The following BRD7 variants were observed in gnomAD, a reference collection of about 807,000 sequenced individuals.
BRD7 encodes the protein bromodomain-containing protein 7.
In BRD7, 15 loss-of-function variants were observed where a neutral mutation model predicts 82.1. The observed-to-expected ratio is 0.18, with a 90% CI of 0.12 to 0.28. BRD7 has a LOEUF of 0.28. BRD7 is among the 10% of genes least tolerant of loss of function. BRD7 has a pLI of 1.00. For missense variants in BRD7, 638 were observed against 779.9 expected (o/e 0.82, Z 2.17); for synonymous variants, 232 against 266.9 (o/e 0.87, Z 1.27).
chr16:50,356,668 T>C (rs2038743831), intron 2 of BRD7, among the ~76,000 whole-genome samples: 1 of 151,656 alleles, frequency 6.6e-6, no homozygotes, highest in East Asian at 1.9e-4. Context: ...AATGGGACTC[T>C]GAAAGGGTAT....
intron 4 of BRD7, among the ~76,000 whole-genome samples, chr16:50,351,855 T>C (rs1191541941): frequency 1.1e-5 from 1 of 89,898 alleles, no homozygotes; most frequent in Non-Finnish European, 2.1e-5. Context: ...TGTATGTATG[T>C]ATAAGGTGTA....
rs1185782260 is a variant in BRD7, at chr16:50,335,801, T to C, written c.703-906A>G. 6.6e-5 allele frequency among the ~76,000 whole-genome samples: 10 copies of C among 152,344 alleles called. 1 individual carries two copies. The highest frequency in any genetic ancestry group is 1.3e-4 in the Non-Finnish European group (9 of 68,032). Reference sequence around the variant, plus strand: ...CTAAGACTAGGCTTGCTGTCACTCATGTTGGGCCTTTCCTCATCACACCAT... The same window carrying C: ...CTAAGACTAGGCTTGCTGTCACTCACGTTGGGCCTTTCCTCATCACACCAT... On this transcript the variant is annotated intron_variant, in intron 6 of 16. Transcript: ENST00000394688.
At position 50,320,312 on chromosome 16, in the gene BRD7, C is replaced by T. The variant is rs115491038; in HGVS notation, c.1692G>A (p.Leu564=). Residue 564 remains leucine (L), a synonymous_variant, in exon 15 of 17, where the codon TTG becomes TTA. Coordinates refer to ENST00000394688, the MANE Select transcript of BRD7 (RefSeq NM_013263.5). ...RELQEAQNER[L]STRPPPNMIC... ...TCATGTTCGGAGGGGGTCTGGTGCT[C>T]AAACGTTCATTCTGGGCTTCCTGGA... 6.2e-7 allele frequency: 1 copy of T among 1,614,162 alleles called. No homozygotes were observed. Among genetic ancestry groups the T allele is most frequent in the East Asian group, 2.2e-5 (1 of 44,884 alleles).
intron 12 of BRD7, among the ~76,000 whole-genome samples, chr16:50,323,088 C>G (rs937170554): frequency 7.9e-5 from 12 of 152,348 alleles, no homozygotes; most frequent in Admixed American, 3.9e-4. Context: ...GGTTCTAATC[C>G]TTAAGCCAAA....
intron 6 of BRD7, 49 bp downstream of exon 6, chr16:50,339,927 G>C: frequency 8.5e-7 from 1 of 1,169,888 alleles, no homozygotes; most frequent in Non-Finnish European, 1.2e-6. Context: ...CCAACAAACA[G>C]CGACACAGAT....
intron 4 of BRD7, among the ~76,000 whole-genome samples, chr16:50,353,823 C>G (rs2038631103): frequency 6.7e-6 from 1 of 150,268 alleles, no homozygotes; most frequent in Non-Finnish European, 1.5e-5. Flanking sequence ...TGGTCTCAAT[C>G]TCCTGACCTC....
At chr16:50,336,200 G>C (rs1368701070) in intron 6 of BRD7, among the ~76,000 whole-genome samples, 1 of 152,054 alleles carries the variant, frequency 6.6e-6, no homozygotes, top group Non-Finnish European at 1.5e-5. Context: ...AATGGCCTAT[G>C]ATTGAACATT....
rs775828554 is a variant in BRD7, at chr16:50,320,776, T to C, written c.1501-2A>G. Reference sequence around the variant, plus strand: ...CCCTGGTGGCTCTACTTCTGTAATCTGCTTCAAAAGGAAAAACAGGCAATT... The same window carrying C: ...CCCTGGTGGCTCTACTTCTGTAATCCGCTTCAAAAGGAAAAACAGGCAATT... On this transcript the variant is annotated splice_acceptor_variant, in intron 13 of 16. Transcript: ENST00000394688. LOFTEE classifies it high-confidence loss of function. The C allele has an allele frequency of 1.2e-6, 2 of 1,609,606 alleles. No homozygotes were observed. Among genetic ancestry groups the C allele is most frequent in the South Asian group, 1.1e-5 (1 of 90,970 alleles).
At chr16:50,340,787 C>T (rs2038014361) in intron 5 of BRD7, among the ~76,000 whole-genome samples, 1 of 152,094 alleles carries the variant, frequency 6.6e-6, no homozygotes, top group Non-Finnish European at 1.5e-5. Context: ...TCCAAGTCCG[C>T]TATGTGCTGG....
intron 5 of BRD7, among the ~76,000 whole-genome samples, chr16:50,346,444 A>G (rs1347135244): frequency 6.6e-5 from 10 of 152,232 alleles, no homozygotes; most frequent in Non-Finnish European, 1.2e-4. Flanking sequence ...GGAGATAGAG[A>G]TACAAAAAAC....
Position 50,338,574 on chromosome 16 carries a change from G to A in BRD7, c.702+1402C>T, listed in dbSNP as rs146695878. Among the ~76,000 whole-genome samples the A allele has an allele frequency of 4.1e-4, 62 of 152,254 alleles. No individual in the cohort carries two copies. In the East Asian group the frequency reaches 7.5e-3, roughly 18 times the overall value. On this transcript the variant is annotated intron_variant, in intron 6 of 16. Coordinates refer to ENST00000394688, the MANE Select transcript of BRD7 (RefSeq NM_013263.5). ...TCCCCTGAATGTGAGCTCAAGCTCT[G>A]GACTCTGATTCCTTTCTCCTTCTAC...
At chr16:50,357,563 C>T (rs1409528059) in intron 2 of BRD7, among the ~76,000 whole-genome samples, 2 of 152,142 alleles carry the variant, frequency 1.3e-5, no homozygotes, top group Non-Finnish European at 2.9e-5. Context: ...AGATTCCTTC[C>T]TATTAAATGT....
chr16:50,328,250 CATT>C (rs756735291), intron 9 of BRD7, among the ~76,000 whole-genome samples: 2 of 152,178 alleles, frequency 1.3e-5, no homozygotes, highest in Non-Finnish European at 2.9e-5. Flanking sequence ...ATACACCTTC[CATT>C]ATTATTAAGG....
intron 5 of BRD7, among the ~76,000 whole-genome samples, chr16:50,347,166 A>T (rs1432775018): frequency 6.6e-6 from 1 of 152,220 alleles, no homozygotes; most frequent in Non-Finnish European, 1.5e-5. Context: ...AAACCACATG[A>T]TTATCTCAAT....
chr16:50,356,714 GAAA>G (rs536117005), intron 2 of BRD7, among the ~76,000 whole-genome samples: 2,029 of 121,098 alleles, frequency 0.017, 114 homozygotes, highest in East Asian at 0.15. Flanking sequence ...TTCCTTAGGG[GAAA>G]AAAAAAATAT....
At chr16:50,351,762 G>C (rs1018120567) in intron 4 of BRD7, among the ~76,000 whole-genome samples, 2 of 152,048 alleles carry the variant, frequency 1.3e-5, no homozygotes, top group African/African-American at 4.8e-5. Flanking sequence ...CACATATTTA[G>C]AGGGTACAGT....
chr16:50,323,385 G>A (rs1019906705), intron 12 of BRD7, among the ~76,000 whole-genome samples: 10 of 152,162 alleles, frequency 6.6e-5, no homozygotes, highest in African/African-American at 2.2e-4. Context: ...TAAGGATAAC[G>A]CTCAGGCCCT....
chr16:50,333,445 G>T, intron 8 of BRD7, 129 bp downstream of exon 8: 1 of 1,181,000 alleles, frequency 8.5e-7, no homozygotes, highest in East Asian at 2.4e-5. Context: ...TTGTTTTTCT[G>T]CTAAGTATTA....
rs936262450 is a variant in BRD7, at chr16:50,317,050, G to A, written c.*2161C>T. The A allele has an allele frequency of 6.5e-6, 1 of 152,922 alleles. No homozygotes were observed. Among genetic ancestry groups the A allele is most frequent in the East Asian group, 1.9e-4 (1 of 5,332 alleles). The allele number at this position is 152,922 out of a possible 1,614,324, so 9.5% of individuals were successfully genotyped here. On this transcript the variant is annotated 3_prime_UTR_variant, in exon 17 of 17. Transcript: ENST00000394688. ...GGCTGCAAATTAAGAGTACAGCTAAGTGCGGGGGTGGCGGTGGAGGGAACG... is the reference window on the plus strand; with the variant it reads ...GGCTGCAAATTAAGAGTACAGCTAAATGCGGGGGTGGCGGTGGAGGGAACG...
Sources: gnomAD v4.1 joint callset for allele counts (sites outside exome capture counted in the v4.1 genomes callset) on GRCh38, gnomAD v4.1.1 for gene constraint, MANE v1.5 for transcripts, NCBI Gene and HGNC (gene_info 2026-07-23, HGNC 2026-07-21) for gene names.